The following CADPS variants were observed in gnomAD, a reference collection of about 807,000 sequenced individuals.
CADPS encodes calcium-dependent secretion activator 1.
In CADPS, 57 loss-of-function variants were observed where a neutral mutation model predicts 167.3. The ratio of observed to expected loss-of-function variants is 0.34; its 90% CI spans 0.28 to 0.42. The LOEUF (loss-of-function observed/expected upper bound fraction) is 0.42, where lower values mean the gene tolerates loss of function less well. Among genes scored for constraint, CADPS ranks in the 20% least tolerant of loss-of-function variants. The probability of loss-of-function intolerance (pLI) is 1.00; values close to 1 mark genes in which losing one functional copy is unlikely to be tolerated. For missense variants in CADPS, 1,414 were observed against 1,738.1 expected (o/e 0.81, Z 3.32); for synonymous variants, 676 against 635.3 (o/e 1.06, Z -0.96).
Position 62,478,169 on chromosome 3 carries a change from T to G in CADPS, c.3329+92A>C. ...TCCCCTTCTCCAATTAGTTTCAAACTACAGCCAATTGAAAGAGCAGCCATC... is the reference window on the plus strand; with the variant it reads ...TCCCCTTCTCCAATTAGTTTCAAACGACAGCCAATTGAAAGAGCAGCCATC... On this transcript the variant is annotated intron_variant, in intron 23 of 29. Transcript: ENST00000383710. This position sits in a 1 kb window ranked among gnomAD's most constrained non-coding sequence, Gnocchi z 5.7. 1 of 1,389,528 alleles carries G rather than the reference T, an allele frequency of 7.2e-7. No homozygotes were observed. The allele number at this position is 1,389,528 out of a possible 1,614,324, so 86.1% of individuals were successfully genotyped here. A position where few individuals can be genotyped will look rare whatever the true frequency, so the allele number is the denominator to read the frequency against.
chr3:62,589,162 G>A (rs1237844185), intron 7 of CADPS, among the ~76,000 whole-genome samples: 11 of 152,154 alleles, frequency 7.2e-5, no homozygotes, highest in African/African-American at 2.7e-4. Flanking sequence ...GTAACGCCAG[G>A]ATTCTAAACA....
intron 6 of CADPS, among the ~76,000 whole-genome samples, chr3:62,637,939 A>G (rs984887328): frequency 1.3e-5 from 2 of 151,972 alleles, no homozygotes; most frequent in Admixed American, 1.3e-4. Flanking sequence ...GAAAATACTG[A>G]ATCAACGTTA....
intron 13 of CADPS, among the ~76,000 whole-genome samples, chr3:62,522,020 C>T (rs1330508173): frequency 6.6e-6 from 1 of 152,106 alleles, no homozygotes; most frequent in Non-Finnish European, 1.5e-5. Context: ...TGTGCCTTGA[C>T]CAGACTGTCC....
At chr3:62,619,613 C>G (rs573643224) in intron 6 of CADPS, among the ~76,000 whole-genome samples, 17 of 152,110 alleles carry the variant, frequency 1.1e-4, no homozygotes, top group African/African-American at 3.4e-4. Flanking sequence ...TTCTCTAGTC[C>G]CTGCAACCCC....
intron 6 of CADPS, among the ~76,000 whole-genome samples, chr3:62,594,185 A>G (rs2086753556): frequency 7.0e-6 from 1 of 141,972 alleles, no homozygotes; most frequent in Admixed American, 7.4e-5. Context: ...TTTTTGAGAC[A>G]GAGTCTCGCT....
intron 1 of CADPS, among the ~76,000 whole-genome samples, chr3:62,864,403 C>T (rs1577554990): frequency 1.3e-5 from 2 of 152,138 alleles, no homozygotes; most frequent in African/African-American, 4.8e-5. Flanking sequence ...ACTGCAATAA[C>T]CAAGAATCAC....
chr3:62,836,019 A>G (rs2075837571), intron 1 of CADPS, among the ~76,000 whole-genome samples: 1 of 152,176 alleles, frequency 6.6e-6, no homozygotes, highest in Admixed American at 6.5e-5. Flanking sequence ...AGATGTATTG[A>G]TCAAATGACT....
intron 1 of CADPS, among the ~76,000 whole-genome samples, chr3:62,829,354 T>C (rs539106251): frequency 5.2e-4 from 79 of 152,316 alleles, no homozygotes; most frequent in African/African-American, 1.9e-3. Flanking sequence ...ATTTAAATTA[T>C]ATGAGAGGCT....
intron 3 of CADPS, among the ~76,000 whole-genome samples, chr3:62,717,714 C>G (rs2084954791): frequency 1.3e-5 from 2 of 152,112 alleles, no homozygotes; most frequent in South Asian, 4.2e-4. Context: ...CATTTCAGAC[C>G]AGTTTCCTTA....
intron 9 of CADPS, among the ~76,000 whole-genome samples, chr3:62,565,476 ATC>A (rs2079978583): frequency 6.6e-6 from 1 of 152,110 alleles, no homozygotes; most frequent in Non-Finnish European, 1.5e-5. Context: ...CTGCATCAGT[ATC>A]TCCTGGGGTG....
At chr3:62,657,960 C>T (rs2072130747) in intron 4 of CADPS, among the ~76,000 whole-genome samples, 2 of 152,054 alleles carry the variant, frequency 1.3e-5, no homozygotes, top group African/African-American at 2.4e-5. Flanking sequence ...GCCAAATCTG[C>T]CTAATGCTGC....
intron 1 of CADPS, among the ~76,000 whole-genome samples, chr3:62,863,129 C>A (rs1577530929): frequency 6.6e-6 from 1 of 152,088 alleles, no homozygotes; most frequent in East Asian, 1.9e-4. Context: ...CCTGGGGAGA[C>A]TAAATGATCT....
intron 16 of CADPS, among the ~76,000 whole-genome samples, chr3:62,515,522 C>G (rs1419376003): frequency 6.6e-6 from 1 of 152,018 alleles, no homozygotes; most frequent in African/African-American, 2.4e-5. Flanking sequence ...TGAATGAGAT[C>G]TAAAGCCAAC....
intron 1 of CADPS, among the ~76,000 whole-genome samples, chr3:62,835,400 T>C (rs1271762731): frequency 6.6e-6 from 1 of 152,220 alleles, no homozygotes; most frequent in African/African-American, 2.4e-5. Flanking sequence ...GGTATTCATA[T>C]AATCTTCAAA....
intron 28 of CADPS, among the ~76,000 whole-genome samples, chr3:62,436,824 A>G (rs2055159408): frequency 6.6e-6 from 1 of 152,100 alleles, no homozygotes; most frequent in Non-Finnish European, 1.5e-5. Context: ...TGCAGGGGAA[A>G]GAGGGGTATC....
intron 1 of CADPS, among the ~76,000 whole-genome samples, chr3:62,861,146 G>A (rs1313563606): frequency 6.6e-6 from 1 of 152,166 alleles, no homozygotes; most frequent in African/African-American, 2.4e-5. Context: ...CTTTAGGTCA[G>A]CTGGAAGCCA....
intron 28 of CADPS, among the ~76,000 whole-genome samples, chr3:62,430,093 C>T (rs574544964): frequency 1.1e-4 from 16 of 152,216 alleles, no homozygotes; most frequent in East Asian, 5.8e-4. Context: ...AACAAAAAAC[C>T]CCTCAGTTTC....
At chr3:62,546,853 T>C (rs188176530) in intron 11 of CADPS, among the ~76,000 whole-genome samples, 33 of 152,284 alleles carry the variant, frequency 2.2e-4, no homozygotes, top group Admixed American at 1.8e-3. Context: ...TTCATGGATT[T>C]TGGTATCTGC....
intron 1 of CADPS, among the ~76,000 whole-genome samples, chr3:62,790,940 GTTATTTTAAAAA>G (rs1428135921): frequency 2.7e-5 from 4 of 149,010 alleles, no homozygotes; most frequent in Non-Finnish European, 5.9e-5. Context: ...ATAATTCTGT[GTTATTTTAAAAA>G]TGGTGACTTT....
Sources: allele counts gnomAD v4.1 joint callset (sites outside exome capture counted in the v4.1 genomes callset), GRCh38; gene constraint gnomAD v4.1.1; non-coding constraint Gnocchi (gnomAD v3.1); transcripts MANE v1.5; gene names NCBI Gene and HGNC (gene_info 2026-07-23, HGNC 2026-07-21).